Variants in FSTL5 observed in about 807,000 individuals in gnomAD.
FSTL5 encodes follistatin-related protein 5.
Under a neutral mutation model 89.1 loss-of-function variants are expected in FSTL5, and 62 were observed. The ratio of observed to expected loss-of-function variants is 0.70; its 90% CI spans 0.57 to 0.86. The LOEUF is 0.86. Ranked by LOEUF, FSTL5 falls within the 40% of genes least tolerant of loss-of-function variation. FSTL5 has a pLI of 0.00. For synonymous variants in FSTL5, 383 were observed against 346.2 expected, an observed-to-expected ratio of 1.11 and a Z score of -1.18; for missense variants, 1,057 against 1,001.6, an observed-to-expected ratio of 1.06 and a Z score of -0.75.
intron 8 of FSTL5, among the ~76,000 whole-genome samples, chr4:161,562,818 A>C (rs557510201): frequency 6.6e-4 from 100 of 152,172 alleles, no homozygotes; most frequent in African/African-American, 2.2e-3. Context: ...TTGAAATTCC[A>C]TAACTACTAC....
chr4:161,992,962 A>ATG lies in FSTL5; in HGVS notation c.160+40661_160+40662dup, dbSNP rs1553989566. 3.7e-4 allele frequency among the ~76,000 whole-genome samples: 47 copies of ATG among 128,072 alleles called. 1 individual carries two copies. The highest frequency in any genetic ancestry group is 4.1e-3 in the Middle Eastern group (1 of 242). 84.0% of individuals were successfully genotyped at this position (128,072 alleles called of 152,430 possible). A position where few individuals can be genotyped will look rare whatever the true frequency, so the allele number is the denominator to read the frequency against. On this transcript the variant is annotated intron_variant, in intron 3 of 15. Coordinates refer to ENST00000306100, the MANE Select transcript of FSTL5 (RefSeq NM_020116.5). ...TATATGTGTGTATATCTATATATATATGTGTGTATATATATATATGCAAGT... is the reference window on the plus strand; with the variant it reads ...TATATGTGTGTATATCTATATATATATGTGTGTGTATATATATATATGCAAGT...
intron 2 of FSTL5, among the ~76,000 whole-genome samples, chr4:162,098,935 A>G (rs1313838023): frequency 6.6e-6 from 1 of 152,122 alleles, no homozygotes; most frequent in East Asian, 1.9e-4. Context: ...ATTAACTCAA[A>G]AAGGATCATA....
At chr4:161,476,868 A>G (rs1734170237) in intron 13 of FSTL5, among the ~76,000 whole-genome samples, 1 of 152,198 alleles carries the variant, frequency 6.6e-6, no homozygotes, top group Non-Finnish European at 1.5e-5. Flanking sequence ...CAACAATCAA[A>G]GAACAGATAC....
chr4:162,032,651 CAG>C (rs1252035491), intron 3 of FSTL5: 2 of 152,086 alleles, frequency 1.3e-5, no homozygotes, highest in African/African-American at 2.4e-5. Flanking sequence ...GGGAAATGTG[CAG>C]AGAGGATTCT....
intron 8 of FSTL5, among the ~76,000 whole-genome samples, chr4:161,574,322 C>A (rs1045937390): frequency 6.6e-6 from 1 of 150,838 alleles, no homozygotes; most frequent in African/African-American, 2.4e-5. Flanking sequence ...CAAAACATGA[C>A]TTTCCTTTTT....
At chr4:162,008,280 T>C (rs1414319916) in intron 3 of FSTL5, among the ~76,000 whole-genome samples, 1 of 151,708 alleles carries the variant, frequency 6.6e-6, no homozygotes, top group African/African-American at 2.4e-5. Flanking sequence ...AATACAGGTG[T>C]TCTATATAGT....
At chr4:161,498,121 C>T (rs1730154484) in intron 12 of FSTL5, among the ~76,000 whole-genome samples, 2 of 151,450 alleles carry the variant, frequency 1.3e-5, no homozygotes, top group African/African-American at 4.9e-5. Flanking sequence ...GATAAATATA[C>T]ATATTTAATT....
At chr4:161,987,720 A>C (rs1017830454) in intron 3 of FSTL5, among the ~76,000 whole-genome samples, 2 of 151,002 alleles carry the variant, frequency 1.3e-5, no homozygotes, top group African/African-American at 2.4e-5. Flanking sequence ...CATGAGGAAC[A>C]TTCTTTACCG....
intron 6 of FSTL5, among the ~76,000 whole-genome samples, chr4:161,664,009 T>A (rs1736802496): frequency 6.6e-6 from 1 of 152,180 alleles, no homozygotes; most frequent in South Asian, 2.1e-4. Context: ...CAGCCACAGC[T>A]GGAGCCGGTG....
intron 7 of FSTL5, among the ~76,000 whole-genome samples, chr4:161,600,517 A>T (rs1734193794): frequency 6.6e-6 from 1 of 152,064 alleles, no homozygotes; most frequent in African/African-American, 2.4e-5. Flanking sequence ...CTGAGTTAGT[A>T]AAAAAATCAA....
Position 161,998,857 on chromosome 4 carries a change from A to C in FSTL5, c.160+34768T>G, listed in dbSNP as rs992698095. On this transcript the variant is annotated intron_variant, in intron 3 of 15. Transcript: ENST00000306100. Reference sequence around the variant, plus strand: ...TGGTGAAGCAGTTAAACACACACACAACACACACACACACACACACACACA... The same window carrying C: ...TGGTGAAGCAGTTAAACACACACACCACACACACACACACACACACACACA... Among the ~76,000 whole-genome samples, 4 of 146,584 alleles carry C rather than the reference A, an allele frequency of 2.7e-5. No homozygotes were observed. The South Asian group carries it at 8.9e-4, about 33-fold the overall frequency.
intron 4 of FSTL5, among the ~76,000 whole-genome samples, chr4:161,907,173 T>C (rs892587346): frequency 2.6e-5 from 4 of 152,116 alleles, no homozygotes; most frequent in Non-Finnish European, 5.9e-5. Flanking sequence ...TCTAATGTTT[T>C]ACAGACTGTC....
chr4:161,800,268 T>C (rs1729752775), intron 4 of FSTL5, among the ~76,000 whole-genome samples: 1 of 151,618 alleles, frequency 6.6e-6, no homozygotes, highest in Non-Finnish European at 1.5e-5. Flanking sequence ...AATATAGTTA[T>C]ACAAAACCCG....
At chr4:162,059,966 C>CT (rs1738669416) in intron 2 of FSTL5, among the ~76,000 whole-genome samples, 1 of 152,116 alleles carries the variant, frequency 6.6e-6, no homozygotes, top group South Asian at 2.1e-4. Flanking sequence ...GACTTGGATT[C>CT]TACTTGAAGA....
intron 3 of FSTL5, among the ~76,000 whole-genome samples, chr4:162,013,386 A>G (rs1293370092): frequency 6.6e-6 from 1 of 152,154 alleles, no homozygotes; most frequent in African/African-American, 2.4e-5. Context: ...TTAGTGTAAC[A>G]CATAACACTC....
At chr4:161,914,593 C>T (rs1733787657) in intron 4 of FSTL5, among the ~76,000 whole-genome samples, 1 of 152,148 alleles carries the variant, frequency 6.6e-6, no homozygotes, top group African/African-American at 2.4e-5. Context: ...CAATCAATAA[C>T]AAATATATTT....
At chr4:161,393,196 T>A (rs12054492) in intron 15 of FSTL5, among the ~76,000 whole-genome samples, 1 of 151,652 alleles carries the variant, frequency 6.6e-6, no homozygotes, top group Non-Finnish European at 1.5e-5. Context: ...TTTTAAAATC[T>A]ATTAATTAAT....
intron 3 of FSTL5, among the ~76,000 whole-genome samples, chr4:161,985,222 G>T (rs978056209): frequency 1.3e-5 from 2 of 151,874 alleles, no homozygotes; most frequent in African/African-American, 4.8e-5. Context: ...GGGTTGATTT[G>T]GTTGTTTTAT....
At chr4:161,400,655 A>C (rs1026738743) in intron 15 of FSTL5, among the ~76,000 whole-genome samples, 2 of 152,158 alleles carry the variant, frequency 1.3e-5, no homozygotes, top group African/African-American at 4.8e-5. Flanking sequence ...GAAAGGGCAT[A>C]GTTACTAAAT....
Sources: gnomAD v4.1 joint callset for allele counts (sites outside exome capture counted in the v4.1 genomes callset) on GRCh38, gnomAD v4.1.1 for gene constraint, MANE v1.5 for transcripts, NCBI Gene and HGNC (gene_info 2026-07-23, HGNC 2026-07-21) for gene names.